Variants in FAT4 observed in about 807,000 individuals in gnomAD.
FAT4 encodes the protein protocadherin Fat 4.
In FAT4, 84 loss-of-function variants were observed where a neutral mutation model predicts 303.9. The observed-to-expected ratio is 0.28, with a 90% confidence interval of 0.23 to 0.33. The LOEUF is 0.33. Ranked by LOEUF, FAT4 falls within the 10% of genes least tolerant of loss-of-function variation. FAT4 has a pLI of 1.00. For synonymous variants in FAT4, 2,307 were observed against 2,298.8 expected (o/e 1.00, Z -0.10); for missense variants, 6,005 against 6,146.8 (o/e 0.98, Z 0.77).
At chr4:125,359,687 T>C (rs74646069) in intron 2 of FAT4, among the ~76,000 whole-genome samples, 8,838 of 152,190 alleles carry the variant, frequency 0.058, 283 homozygotes, top group Middle Eastern at 0.095. Context: ...AAAACTGAAT[T>C]AGTGGAGAGT....
At chr4:125,403,492 T>C (rs1328606821) in intron 3 of FAT4, among the ~76,000 whole-genome samples, 3 of 152,110 alleles carry the variant, frequency 2.0e-5, no homozygotes, top group African/African-American at 7.2e-5. Context: ...TCAGTCCTTA[T>C]ATGAGTGTTC....
chr4:125,372,153 C>T (rs1383314039), intron 2 of FAT4, among the ~76,000 whole-genome samples: 2 of 151,592 alleles, frequency 1.3e-5, no homozygotes, highest in African/African-American at 2.4e-5. Flanking sequence ...TCAAAACCAT[C>T]CTGAGCAATG....
At chr4:125,360,104 T>C (rs1016741089) in intron 2 of FAT4, among the ~76,000 whole-genome samples, 6 of 152,158 alleles carry the variant, frequency 3.9e-5, no homozygotes, top group Non-Finnish European at 7.3e-5. Context: ...TTATCTTTTG[T>C]TCTTTTCTGT....
chr4:125,491,254 G>A lies in FAT4; in HGVS notation c.14438G>A (p.Gly4813Glu). ...CCAAGTATCTGCAGTGCAGACCATG[G>A]GAGGTCTTCTTCAGAGGAGGACTGC... ...RNPSICSADH[G>E]RSSSEEDCRR... Residue 4813 changes from glycine (G) to glutamate (E), a missense_variant, in exon 18 of 18, where the codon GGG becomes GAG. Coordinates refer to ENST00000394329, the MANE Select transcript of FAT4 (RefSeq NM_001291303.3). 1 of 1,614,120 alleles carries A rather than the reference G, an allele frequency of 6.2e-7. No homozygotes were observed.
At chr4:125,438,819 A>ATTTAATTGC (rs1725547299) in intron 8 of FAT4, among the ~76,000 whole-genome samples, 1 of 152,168 alleles carries the variant, frequency 6.6e-6, no homozygotes, top group African/African-American at 2.4e-5. Flanking sequence ...TCCTGAAGAA[A>ATTTAATTGC]ATCTATTCTT....
In FAT4 at chr4:125,490,163, C is replaced by T. The variant is rs758589643; in HGVS notation, c.13347C>T (p.Ser4449=). ...NGGSCEPGLH[S]GFTCSCPDSH... ...GCAGCTGTGAGCCAGGCCTGCACTC[C>T]GGCTTCACCTGTAGCTGCCCAGACT... Residue 4449 remains serine, a synonymous_variant, in exon 18 of 18, where the codon TCC becomes TCT. Coordinates refer to ENST00000394329, the MANE Select transcript of FAT4 (RefSeq NM_001291303.3). The T allele has an allele frequency of 3.3e-5, 54 of 1,613,986 alleles. No homozygotes were observed. In the Admixed American group the frequency reaches 4.3e-4, roughly 13 times the overall value.
rs182284016 is a variant in FAT4 at position 125,467,069 on chromosome 4, G to C, written c.11906-1443G>C. 1.4e-3 allele frequency among the ~76,000 whole-genome samples: 211 copies of C among 152,150 alleles called. 2 individuals are homozygous for C. The highest frequency in any genetic ancestry group is 1.2e-3 in the South Asian group (6 of 4,816). ...TGGGATTACAGGCGTGAGCCACCAT[G>C]CCTGGCCAAAATGATGTTTAATTTC... is the stretch of plus-strand genomic sequence containing the variant. On this transcript the variant is annotated intron_variant, in intron 11 of 17. Coordinates refer to ENST00000394329, the MANE Select transcript of FAT4 (RefSeq NM_001291303.3).
chr4:125,438,852 G>T (rs1432695791), intron 8 of FAT4, among the ~76,000 whole-genome samples: 9 of 151,928 alleles, frequency 5.9e-5, no homozygotes, highest in African/African-American at 1.2e-4. Context: ...AAGAGCTATT[G>T]GTTTAATTAT....
At chr4:125,378,420 G>A (rs191419216) in intron 2 of FAT4, among the ~76,000 whole-genome samples, 69 of 152,082 alleles carry the variant, frequency 4.5e-4, no homozygotes, top group East Asian at 5.8e-4. Flanking sequence ...TTTCAGAAAA[G>A]TAACTATACA....
In FAT4 at chr4:125,439,376, A is replaced by AGG. The variant is rs1725569210; in HGVS notation, c.7199+4952_7199+4953dup. On this transcript the variant is annotated intron_variant, in intron 8 of 17. Transcript: ENST00000394329. ...GAGATGGAGTCTCGCTCTGTCACCC[A>AGG]GGCTGGCGTGCTGCGTCGTGATCTC... Among the ~76,000 whole-genome samples, 7 of 148,806 alleles carry AGG rather than the reference A, an allele frequency of 4.7e-5. No individual in the cohort carries two copies. In the South Asian group the frequency reaches 1.5e-3, roughly 32 times the overall value.
intron 2 of FAT4, among the ~76,000 whole-genome samples, chr4:125,381,664 G>T (rs1371431528): frequency 2.6e-5 from 4 of 152,180 alleles, no homozygotes; most frequent in Non-Finnish European, 5.9e-5. Context: ...ATTGCTGAAG[G>T]TTGTGGTGGC....
intron 2 of FAT4, among the ~76,000 whole-genome samples, chr4:125,353,620 T>A (rs892769975): frequency 1.2e-4 from 18 of 151,682 alleles, no homozygotes; most frequent in African/African-American, 4.3e-4. Context: ...CACGGTTACA[T>A]TGATAAACTA....
In FAT4 at chr4:125,406,952, G is replaced by T; in HGVS notation, c.5380G>T (p.Gly1794Ter). Residue 1794 changes from glycine (G) to a stop codon, truncating the protein, a stop_gained, in exon 4 of 18, where the codon GGA becomes TGA. Transcript: ENST00000394329. LOFTEE classifies it high-confidence loss of function. Reference protein sequence around the residue: ...DDSFRIDPESGDLIATRRLDR... With the variant: ...DDSFRIDPES Reference sequence around the variant, plus strand: ...TAGTTTTCGCATCGACCCAGAATCCGGAGATCTGATAGCAACCAGGCGGTT... The same window carrying T: ...TAGTTTTCGCATCGACCCAGAATCCTGAGATCTGATAGCAACCAGGCGGTT... The T allele has an allele frequency of 6.2e-7, 1 of 1,613,760 alleles. No individual in the cohort carries two copies. Among genetic ancestry groups the T allele is most frequent in the Non-Finnish European group, 8.5e-7 (1 of 1,179,856 alleles).
rs147115656 is a variant in FAT4, at chr4:125,424,274, G to C, written c.7018+7652G>C. Among the ~76,000 whole-genome samples the C allele has an allele frequency of 2.4e-3, 363 of 152,196 alleles. 4 individuals are homozygous for C. The highest frequency in any genetic ancestry group is 8.1e-3 in the Admixed American group (123 of 15,272). On this transcript the variant is annotated intron_variant, in intron 7 of 17. Transcript: ENST00000394329. ...CCTAGTGGGTGGTAATTAAATCATG[G>C]GGGCAGTTACCTCCATGCTGTTCTC...
intron 2 of FAT4, among the ~76,000 whole-genome samples, chr4:125,377,461 T>G (rs984219486): frequency 6.6e-6 from 1 of 152,150 alleles, no homozygotes; most frequent in Non-Finnish European, 1.5e-5. Flanking sequence ...ATATTATTTC[T>G]GAAACTAGAC....
intron 2 of FAT4, chr4:125,393,954 G>A (rs577989565): frequency 2.6e-6 from 2 of 780,260 alleles, no homozygotes; most frequent in South Asian, 2.7e-5. Context: ...AACGGTAGTG[G>A]CAGTGGGTGA....
rs1172290835 is a variant in FAT4 at position 125,451,880 on chromosome 4, A to C, written c.10870A>C (p.Asn3624His). 1 of 1,613,910 alleles carries C rather than the reference A, an allele frequency of 6.2e-7. No homozygotes were observed. The highest frequency in any genetic ancestry group is 1.3e-5 in the African/African-American group (1 of 74,914). Residue 3624 changes from asparagine (N) to histidine (H), a missense_variant, in exon 10 of 18, where the codon AAT (asparagine) becomes CAT (histidine). Asn to His is a moderately conservative substitution (Grantham distance 68). Transcript: ENST00000394329. Reference sequence around the variant, plus strand: ...GTCTCGGACGGTGGAGATATTTGTTAATTATTATGGTAACTTGTTTCCCGG... The same window carrying C: ...GTCTCGGACGGTGGAGATATTTGTTCATTATTATGGTAACTTGTTTCCCGG... ...SQSRTVEIFV[N>H]YYGNLFPGGI...
intron 7 of FAT4, among the ~76,000 whole-genome samples, chr4:125,427,688 C>A (rs78611769): frequency 0.019 from 2,862 of 152,068 alleles, 90 homozygotes; most frequent in African/African-American, 0.066. Context: ...GAGTTTACTT[C>A]ATGGGGAAAA....
In FAT4 at chr4:125,491,931, CACA is replaced by C. The variant is rs1281929260; in HGVS notation, c.*169_*171del. 2 of 646,794 alleles carry C rather than the reference CACA, an allele frequency of 3.1e-6. No individual in the cohort carries two copies. Among genetic ancestry groups the C allele is most frequent in the African/African-American group, 3.7e-5 (2 of 54,768 alleles). The allele number at this position is 646,794 out of a possible 1,614,324, so 40.1% of individuals were successfully genotyped here. On this transcript the variant is annotated 3_prime_UTR_variant, in exon 18 of 18. Transcript: ENST00000394329. ...AACCACAATGCTGCTGAAACAGACT[CACA>C]ACAACTCTTAATTTAAACATGTGTG... is the stretch of plus-strand genomic sequence containing the variant.
Sources: allele counts gnomAD v4.1 joint callset (sites outside exome capture counted in the v4.1 genomes callset), GRCh38; gene constraint gnomAD v4.1.1; transcripts MANE v1.5; gene names NCBI Gene and HGNC (gene_info 2026-07-23, HGNC 2026-07-21).